C6: variants seen among roughly 807,000 people sequenced by gnomAD.
C6 encodes complement component C6.
Under a neutral mutation model 112.9 loss-of-function variants are expected in C6, and 101 were observed. The observed-to-expected ratio is 0.89, with a 90% CI of 0.76 to 1.06. The LOEUF is 1.06. Among genes scored for constraint, C6 ranks in the 50% least tolerant of loss-of-function variants. The pLI is 0.00. For missense variants in C6, 1,202 were observed against 1,104.6 expected, an observed-to-expected ratio of 1.09 and a Z score of -1.25; for synonymous variants, 431 against 384.1, an observed-to-expected ratio of 1.12 and a Z score of -1.43.
intron 1 of C6, among the ~76,000 whole-genome samples, chr5:41,251,232 T>C (rs1741339065): frequency 6.6e-6 from 1 of 152,174 alleles, no homozygotes; most frequent in Admixed American, 6.5e-5. Flanking sequence ...AACAGCTGAT[T>C]CAGGCCAAAA....
chr5:41,247,353 T>C (rs201122687), intron 1 of C6, among the ~76,000 whole-genome samples: 3 of 152,014 alleles, frequency 2.0e-5, no homozygotes, highest in East Asian at 3.8e-4. Flanking sequence ...ACAAAACTAA[T>C]GTACAAAAAT....
intron 5 of C6, among the ~76,000 whole-genome samples, chr5:41,186,647 ATAT>A (rs1749792401): frequency 3.3e-5 from 5 of 152,086 alleles, no homozygotes; most frequent in Admixed American, 2.0e-4. Flanking sequence ...AATTGTAATA[ATAT>A]TATAGTTTTA....
rs115197128 is a variant in C6, at chr5:41,234,233, G to A, written c.-21+26961C>T. 9.8e-3 allele frequency among the ~76,000 whole-genome samples: 1,490 copies of A among 151,936 alleles called. 32 individuals are homozygous for A. The highest frequency in any genetic ancestry group is 0.034 in the African/African-American group (1,412 of 41,474). On this transcript the variant is annotated intron_variant, in intron 1 of 17. Transcript: ENST00000263413. The stretch of plus-strand genomic sequence containing the variant: ...GTATCAATATCAATAACTTCCAGGT[G>A]AAGTAAATTCCTCGTAACAATGATA...
intron 1 of C6, among the ~76,000 whole-genome samples, chr5:41,209,110 C>T (rs943862514): frequency 7.2e-5 from 11 of 152,146 alleles, no homozygotes; most frequent in East Asian, 3.9e-4. Flanking sequence ...ACAGAACCAA[C>T]GACAAAAACC....
intron 5 of C6, among the ~76,000 whole-genome samples, chr5:41,189,382 T>A (rs1750025635): frequency 6.6e-6 from 1 of 152,096 alleles, no homozygotes; most frequent in African/African-American, 2.4e-5. Flanking sequence ...CAAATGTTCA[T>A]TAGCTGATGA....
At chr5:41,243,467 T>C (rs142659397) in intron 1 of C6, among the ~76,000 whole-genome samples, 1 of 152,240 alleles carries the variant, frequency 6.6e-6, no homozygotes, top group African/African-American at 2.4e-5. Context: ...TAGTGCTTCA[T>C]AATAATCCAT....
chr5:41,230,314 G>A (rs1384126390), intron 1 of C6, among the ~76,000 whole-genome samples: 1 of 152,052 alleles, frequency 6.6e-6, no homozygotes, highest in Non-Finnish European at 1.5e-5. Context: ...AAACAGACGT[G>A]CAAGTAGGAG....
intron 1 of C6, among the ~76,000 whole-genome samples, chr5:41,208,312 T>C (rs1751603983): frequency 6.6e-6 from 1 of 152,010 alleles, no homozygotes; most frequent in South Asian, 2.1e-4. Context: ...TTAAAAGACC[T>C]AGAGAAGCAA....
At chr5:41,248,545 G>A (rs895853809) in intron 1 of C6, among the ~76,000 whole-genome samples, 1 of 152,136 alleles carries the variant, frequency 6.6e-6, no homozygotes, top group African/African-American at 2.4e-5. Context: ...AAGAAGACAT[G>A]CAAGTGGCCA....
chr5:41,234,308 G>T (rs1740096874), intron 1 of C6, among the ~76,000 whole-genome samples: 1 of 150,424 alleles, frequency 6.6e-6, no homozygotes, highest in African/African-American at 2.4e-5. Flanking sequence ...GAATATTCCA[G>T]TGTGGGATAC....
At chr5:41,185,102 G>A (rs1250333377) in intron 6 of C6, among the ~76,000 whole-genome samples, 1 of 152,160 alleles carries the variant, frequency 6.6e-6, no homozygotes, top group Admixed American at 6.5e-5. Flanking sequence ...ACATATAAAT[G>A]TTTAGGTTTT....
At chr5:41,250,584 T>G (rs1036147609) in intron 1 of C6, among the ~76,000 whole-genome samples, 4 of 152,226 alleles carry the variant, frequency 2.6e-5, no homozygotes, top group Non-Finnish European at 5.9e-5. Context: ...CTGGCAGAGT[T>G]TGATTTGGCT....
chr5:41,172,740 A>C, intron 8 of C6: 1 of 292,612 alleles, frequency 3.4e-6, no homozygotes, highest in East Asian at 8.0e-5. Flanking sequence ...CCTGCAAATC[A>C]AAAGATTATG....
At position 41,199,795 on chromosome 5, in the gene C6, A is replaced by G; in HGVS notation, c.418T>C (p.Cys140Arg). 6.2e-7 allele frequency: 1 copy of G among 1,613,832 alleles called. No individual in the cohort carries two copies. Among genetic ancestry groups the G allele is most frequent in the Non-Finnish European group, 8.5e-7 (1 of 1,179,748 alleles). ...CTGTCACAGCGAAATTTATTCTTGC[A>G]GTCAGCCTCTTCAATTTTGCAGAGC... is the stretch of plus-strand genomic sequence containing the variant. ...SKLCKIEEAD[C>R]KNKFRCDSGR... Residue 140 changes from cysteine (C) to arginine (R), a missense_variant, in exon 4 of 18, where the codon TGC (cysteine) becomes CGC (arginine). By Grantham distance (180) the Cys-to-Arg change is radical. Transcript: ENST00000337836.
At chr5:41,229,800 T>C (rs1424388473) in intron 1 of C6, among the ~76,000 whole-genome samples, 1 of 152,204 alleles carries the variant, frequency 6.6e-6, no homozygotes, top group Non-Finnish European at 1.5e-5. Context: ...TATTGTTTTA[T>C]TGCAGTTTAT....
intron 1 of C6, among the ~76,000 whole-genome samples, chr5:41,254,915 A>G (rs565391761): frequency 6.6e-6 from 1 of 152,320 alleles, no homozygotes; most frequent in East Asian, 1.9e-4. Context: ...GTAGACAGGT[A>G]TAGAGGGATT....
intron 1 of C6, among the ~76,000 whole-genome samples, chr5:41,222,002 T>A (rs1222325286): frequency 6.6e-6 from 1 of 151,568 alleles, no homozygotes; most frequent in Non-Finnish European, 1.5e-5. Context: ...CTATCTCTAC[T>A]AAAAAATACA....
In C6 at chr5:41,160,148, T is replaced by C; in HGVS notation, c.1678A>G (p.Lys560Glu). ...ENCEKQSPDYKSNAVDGQWGC... is the reference protein window; with the variant it reads ...ENCEKQSPDYESNAVDGQWGC... ...ATAGATTCCTGATACTTACTGGATT[T>C]ATAATCTGGAGACTGTTTCTCACAG... The change falls in exon 11 of 18, where the codon AAA becomes GAA. Residue 560 changes from lysine to glutamate, a missense_variant. Physicochemically the swap from Lys to Glu is moderately conservative, Grantham distance 56 (BLOSUM62 1). Coordinates refer to ENST00000337836, the MANE Select transcript of C6 (RefSeq NM_000065.5). 1 of 1,608,224 alleles carries C rather than the reference T, an allele frequency of 6.2e-7. No individual in the cohort carries two copies. The highest frequency in any genetic ancestry group is 8.5e-7 in the Non-Finnish European group (1 of 1,174,678).
chr5:41,154,148 A>T lies in C6; in HGVS notation c.2102-150T>A, dbSNP rs1226492303. The T allele has an allele frequency of 5.7e-6, 4 of 700,210 alleles. No individual in the cohort carries two copies. In the East Asian group the frequency reaches 1.1e-4, roughly 19 times the overall value. 43.4% of individuals were successfully genotyped at this position (700,210 alleles called of 1,614,324 possible). On this transcript the variant is annotated intron_variant, in intron 14 of 17. Coordinates refer to ENST00000337836, the MANE Select transcript of C6 (RefSeq NM_000065.5). ...TCCTTTTGATCAGAAAACCTGGGGG[A>T]TAAGAATCCTGGGCTTTCCCTCAGA...
Sources: allele counts gnomAD v4.1 joint callset (sites outside exome capture counted in the v4.1 genomes callset), GRCh38; gene constraint gnomAD v4.1.1; transcripts MANE v1.5; gene names NCBI Gene and HGNC (gene_info 2026-07-23, HGNC 2026-07-21).